MYO9A: variants seen among roughly 807,000 people sequenced by gnomAD.
MYO9A encodes the protein myosin IXA, also known as unconventional myosin-IXa.
A neutral mutation model predicts 293.3 loss-of-function variants in MYO9A; 103 were observed. The ratio of observed to expected loss-of-function variants is 0.35; its 90% CI spans 0.30 to 0.41. MYO9A has a LOEUF of 0.41. Among genes scored for constraint, MYO9A ranks in the 10% least tolerant of loss-of-function variants. The pLI is 1.00. For synonymous variants in MYO9A, 1,001 were observed against 1,035.7 expected (o/e 0.97, Z 0.64); for missense variants, 2,685 against 3,033.0 (o/e 0.89, Z 2.69).
Position 71,836,040 on chromosome 15 carries a change from T to C in MYO9A, c.6838-5729A>G, listed in dbSNP as rs34393039. Among the ~76,000 whole-genome samples, 617 of 152,066 alleles carry C rather than the reference T, an allele frequency of 4.1e-3. 3 individuals are homozygous for C. Among genetic ancestry groups the C allele is most frequent in the Non-Finnish European group, 7.0e-3 (476 of 67,902 alleles). ...ATTCATCCTAAAGGGAAAGACTGAT[T>C]AACAACATTAAAATCCAGAACCTGT... On this transcript the variant is annotated intron_variant, in intron 39 of 41. Transcript: ENST00000356056.
At chr15:71,854,217 A>C (rs934995652) in intron 35 of MYO9A, among the ~76,000 whole-genome samples, 160 bp downstream of exon 35, 1 of 152,056 alleles carries the variant, frequency 6.6e-6, no homozygotes, top group Non-Finnish European at 1.5e-5. Flanking sequence ...GAAACCAAAG[A>C]CTCTTTAGAA....
chr15:72,076,281 G>C (rs367940387), intron 1 of MYO9A, among the ~76,000 whole-genome samples: 19 of 150,690 alleles, frequency 1.3e-4, no homozygotes, highest in African/African-American at 4.6e-4. Context: ...CTCCAGCCTG[G>C]GCGACAGAGT....
At chr15:72,028,798 T>C (rs2077767942) in intron 3 of MYO9A, among the ~76,000 whole-genome samples, 1 of 152,228 alleles carries the variant, frequency 6.6e-6, no homozygotes. Context: ...AGTTTCTTTT[T>C]ATATATTTAC....
intron 32 of MYO9A, among the ~76,000 whole-genome samples, chr15:71,873,052 A>C (rs1398580257): frequency 1.3e-5 from 2 of 152,004 alleles, no homozygotes; most frequent in Non-Finnish European, 2.9e-5. Flanking sequence ...AGCTGGGATT[A>C]CAGGCGCCCA....
intron 1 of MYO9A, among the ~76,000 whole-genome samples, chr15:72,081,845 G>T (rs370719970): frequency 2.0e-5 from 3 of 152,098 alleles, no homozygotes; most frequent in African/African-American, 7.2e-5. Context: ...AAGGTCAGAT[G>T]GTTGTAGGTG....
At chr15:71,859,671 T>C in intron 34 of MYO9A, 64 bp downstream of exon 34, 2 of 1,359,198 alleles carry the variant, frequency 1.5e-6, no homozygotes, top group Non-Finnish European at 2.1e-6. Flanking sequence ...CCTTAATTTA[T>C]TTCCATAAGG....
At chr15:71,931,987 T>C (rs1157088188) in intron 18 of MYO9A, among the ~76,000 whole-genome samples, 2 of 151,922 alleles carry the variant, frequency 1.3e-5, no homozygotes, top group African/African-American at 4.8e-5. Flanking sequence ...CCAGAAATTC[T>C]AGGGTACCTC....
chr15:71,859,437 T>A (rs1352114496), intron 34 of MYO9A, among the ~76,000 whole-genome samples: 1 of 152,182 alleles, frequency 6.6e-6, no homozygotes, highest in East Asian at 1.9e-4. Flanking sequence ...TTATGAGCAT[T>A]TAAGGAAGTA....
At chr15:72,102,153 C>T (rs1051313237) in intron 1 of MYO9A, among the ~76,000 whole-genome samples, 1 of 151,588 alleles carries the variant, frequency 6.6e-6, no homozygotes, top group South Asian at 2.1e-4. Flanking sequence ...AAGAAAACTT[C>T]TGCCTTGGGA....
chr15:71,864,523 T>C (rs1046530560), intron 32 of MYO9A, among the ~76,000 whole-genome samples: 4 of 152,222 alleles, frequency 2.6e-5, no homozygotes, highest in Admixed American at 6.5e-5. Flanking sequence ...AGAAAAAACC[T>C]GTACGTAACT....
At chr15:71,984,457 T>C (rs2076358366) in intron 11 of MYO9A, among the ~76,000 whole-genome samples, 1 of 152,214 alleles carries the variant, frequency 6.6e-6, no homozygotes, top group Non-Finnish European at 1.5e-5. Flanking sequence ...TTCAAATGTA[T>C]GCTTGTTGGG....
intron 13 of MYO9A, among the ~76,000 whole-genome samples, chr15:71,967,262 T>C (rs2075901842): frequency 6.6e-6 from 1 of 152,140 alleles, no homozygotes; most frequent in Non-Finnish European, 1.5e-5. Flanking sequence ...TATGCACATA[T>C]GTATAGAGAA....
intron 1 of MYO9A, among the ~76,000 whole-genome samples, chr15:72,108,518 AG>A (rs2080655236): frequency 1.3e-5 from 2 of 152,210 alleles, no homozygotes; most frequent in East Asian, 1.9e-4. Context: ...AAATGTGGGA[AG>A]GAACTTCCTA....
intron 2 of MYO9A, 122 bp downstream of exon 2, chr15:72,045,602 T>C: frequency 8.9e-7 from 1 of 1,127,478 alleles, no homozygotes; most frequent in African/African-American, 1.6e-5. Context: ...TGGAACAGTA[T>C]CTTGCTTGAT....
chr15:72,008,144 T>C (rs2077066793), intron 7 of MYO9A, among the ~76,000 whole-genome samples, 192 bp from the exon 8 acceptor site: 1 of 152,202 alleles, frequency 6.6e-6, no homozygotes, highest in Non-Finnish European at 1.5e-5. Context: ...AAAATGCTTT[T>C]CATGGCCTTA....
chr15:71,997,278 G>A (rs1024941708), intron 9 of MYO9A, among the ~76,000 whole-genome samples: 12 of 151,726 alleles, frequency 7.9e-5, no homozygotes, highest in Admixed American at 2.6e-4. Context: ...CACATTTCTC[G>A]GCACAAAAAT....
At chr15:71,851,410 G>A in intron 36 of MYO9A, 52 bp from the exon 37 acceptor site, 1 of 1,398,474 alleles carries the variant, frequency 7.2e-7, no homozygotes, top group Non-Finnish European at 1.0e-6. Flanking sequence ...CTTATACAGT[G>A]TATCTTCCTC....
chr15:72,028,886 C>T (rs2077770872), intron 3 of MYO9A, among the ~76,000 whole-genome samples: 1 of 152,056 alleles, frequency 6.6e-6, no homozygotes, highest in South Asian at 2.1e-4. Flanking sequence ...ATATCAAGCA[C>T]AAGGAATATG....
intron 3 of MYO9A, among the ~76,000 whole-genome samples, chr15:72,028,381 C>T (rs1052190237): frequency 1.3e-5 from 2 of 151,410 alleles, no homozygotes; most frequent in Non-Finnish European, 2.9e-5. Flanking sequence ...GGCGCAGTGG[C>T]TCACACCTGT....
Sources: allele counts gnomAD v4.1 joint callset (sites outside exome capture counted in the v4.1 genomes callset), GRCh38; gene constraint gnomAD v4.1.1; transcripts MANE v1.5; gene names NCBI Gene and HGNC (gene_info 2026-07-23, HGNC 2026-07-21).